CADPS2: variants seen among roughly 807,000 people sequenced by gnomAD.
The protein encoded by CADPS2 is calcium dependent secretion activator 2.
Under a neutral mutation model 172.5 loss-of-function variants are expected in CADPS2, and 93 were observed. The observed-to-expected ratio is 0.54, with a 90% CI of 0.46 to 0.64. CADPS2 has a LOEUF of 0.64. Ranked by LOEUF, CADPS2 falls within the 30% of genes least tolerant of loss-of-function variation. The pLI is 0.00. For missense variants in CADPS2, 1,420 were observed against 1,565.9 expected, an observed-to-expected ratio of 0.91 and a Z score of 1.57; for synonymous variants, 546 against 555.2, an observed-to-expected ratio of 0.98 and a Z score of 0.23.
At chr7:122,881,499 C>T (rs1822926903) in intron 1 of CADPS2, among the ~76,000 whole-genome samples, 1 of 152,180 alleles carries the variant, frequency 6.6e-6, no homozygotes. Flanking sequence ...TTCCAACTCA[C>T]TCCCAACAGG....
intron 27 of CADPS2, among the ~76,000 whole-genome samples, chr7:122,357,980 T>C (rs1450108930): frequency 6.6e-6 from 1 of 152,142 alleles, no homozygotes; most frequent in Non-Finnish European, 1.5e-5. Context: ...TTCAAATCAG[T>C]TGGATAAGTG....
intron 1 of CADPS2, among the ~76,000 whole-genome samples, chr7:122,871,313 A>G (rs1819687096): frequency 6.6e-6 from 1 of 152,030 alleles, no homozygotes; most frequent in Admixed American, 6.6e-5. Context: ...AGTACTCAAT[A>G]TCAAGGATTT....
chr7:122,729,676 G>GTTTTTTTTTTTTTTTT (rs56993717), intron 2 of CADPS2, among the ~76,000 whole-genome samples: 1 of 94,230 alleles, frequency 1.1e-5, no homozygotes, highest in Non-Finnish European at 2.1e-5. Flanking sequence ...ATTTTTAACG[G>GTTTTTTTTTTTTTTTT]TTTTTTTTTT....
intron 11 of CADPS2, among the ~76,000 whole-genome samples, chr7:122,486,133 C>A (rs1206790591): frequency 6.6e-6 from 1 of 152,118 alleles, no homozygotes. Flanking sequence ...TGCTTGCTAA[C>A]CCAACATCCA....
chr7:122,507,788 C>T (rs1198094436), intron 9 of CADPS2, among the ~76,000 whole-genome samples: 3 of 152,042 alleles, frequency 2.0e-5, no homozygotes, highest in Non-Finnish European at 4.4e-5. Flanking sequence ...GTGGTTTCAA[C>T]TAGTATGGTG....
At chr7:122,870,392 C>A (rs796207545) in intron 1 of CADPS2, among the ~76,000 whole-genome samples, 1 of 151,826 alleles carries the variant, frequency 6.6e-6, no homozygotes, top group African/African-American at 2.4e-5. Flanking sequence ...GGGGTCAATT[C>A]ATCAAAAAGT....
At chr7:122,351,723 A>C (rs1371211559) in intron 27 of CADPS2, among the ~76,000 whole-genome samples, 3 of 152,120 alleles carry the variant, frequency 2.0e-5, no homozygotes, top group Non-Finnish European at 4.4e-5. Flanking sequence ...AAAAGGCAGA[A>C]TCCTACCTTA....
chr7:122,774,644 C>T (rs1271170285), intron 1 of CADPS2, among the ~76,000 whole-genome samples: 1 of 152,076 alleles, frequency 6.6e-6, no homozygotes, highest in Non-Finnish European at 1.5e-5. Flanking sequence ...ATCTGATATG[C>T]TCTCTGATCC....
intron 1 of CADPS2, among the ~76,000 whole-genome samples, chr7:122,843,819 G>A (rs1811237268): frequency 6.6e-6 from 1 of 152,170 alleles, no homozygotes; most frequent in African/African-American, 2.4e-5. Flanking sequence ...GAGTCTACAT[G>A]ATGAAATGGC....
At chr7:122,570,913 TA>T (rs2067166024) in intron 7 of CADPS2, among the ~76,000 whole-genome samples, 1 of 151,990 alleles carries the variant, frequency 6.6e-6, no homozygotes, top group Non-Finnish European at 1.5e-5. Context: ...GGGATAGCAT[TA>T]GGAGATATAC....
chr7:122,629,237 T>C lies in CADPS2; in HGVS notation c.867+11A>G, dbSNP rs1220755122. The C allele has an allele frequency of 6.2e-7, 1 of 1,602,168 alleles. No individual in the cohort carries two copies. The highest frequency in any genetic ancestry group is 8.5e-7 in the Non-Finnish European group (1 of 1,172,820). On this transcript the variant is annotated intron_variant, in intron 4 of 29. Transcript: ENST00000449022. ...GGAATGTCATACAGTATGTCCAAGT[T>C]AATAATTTACCTTTGCCATTTTATC...
chr7:122,781,145 CTTTAA>C (rs1011034530), intron 1 of CADPS2, among the ~76,000 whole-genome samples: 1 of 152,126 alleles, frequency 6.6e-6, no homozygotes, highest in Admixed American at 6.5e-5. Flanking sequence ...TTTGTTGTTA[CTTTAA>C]TTTGAATCTT....
intron 27 of CADPS2, among the ~76,000 whole-genome samples, chr7:122,357,963 CAT>C (rs2039637030): frequency 1.3e-5 from 2 of 152,084 alleles, no homozygotes; most frequent in Non-Finnish European, 2.9e-5. Flanking sequence ...TTGGGGTGGA[CAT>C]ATGTTTCAAA....
At chr7:122,377,802 T>C (rs1165205018) in intron 25 of CADPS2, among the ~76,000 whole-genome samples, 2 of 152,108 alleles carry the variant, frequency 1.3e-5, no homozygotes, top group East Asian at 1.9e-4. Context: ...TCTGTATCTG[T>C]AGGTATTTGG....
chr7:122,711,429 C>A (rs992281835), intron 2 of CADPS2, among the ~76,000 whole-genome samples: 4 of 151,874 alleles, frequency 2.6e-5, no homozygotes, highest in Non-Finnish European at 5.9e-5. Flanking sequence ...GAAAACTATA[C>A]CAATTATGTA....
At chr7:122,834,439 C>T (rs1484610156) in intron 1 of CADPS2, among the ~76,000 whole-genome samples, 1 of 152,060 alleles carries the variant, frequency 6.6e-6, no homozygotes, top group Non-Finnish European at 1.5e-5. Flanking sequence ...ACAGTGGGTG[C>T]AGGACAGCGG....
intron 3 of CADPS2, among the ~76,000 whole-genome samples, chr7:122,658,507 G>A (rs2080099232): frequency 6.6e-6 from 1 of 152,166 alleles, no homozygotes; most frequent in African/African-American, 2.4e-5. Flanking sequence ...ATGATAGACT[G>A]GATTAAGAAA....
At chr7:122,720,628 G>A (rs1194718320) in intron 2 of CADPS2, among the ~76,000 whole-genome samples, 2 of 151,506 alleles carry the variant, frequency 1.3e-5, no homozygotes, top group African/African-American at 2.4e-5. Flanking sequence ...ATATATGTAC[G>A]TATGTGTATA....
At chr7:122,396,393 C>T (rs193066051) in intron 20 of CADPS2, among the ~76,000 whole-genome samples, 2 of 152,250 alleles carry the variant, frequency 1.3e-5, no homozygotes, top group Non-Finnish European at 2.9e-5. Context: ...GCAATAATAA[C>T]CTAACTGGTC....
Sources: gnomAD v4.1 joint callset for allele counts (sites outside exome capture counted in the v4.1 genomes callset) on GRCh38, gnomAD v4.1.1 for gene constraint, MANE v1.5 for transcripts, NCBI Gene and HGNC (gene_info 2026-07-23, HGNC 2026-07-21) for gene names.